Variants in NAV1 observed in about 807,000 individuals in gnomAD.
NAV1 encodes the protein pore membrane and/or filament interacting like protein 3.
A neutral mutation model predicts 175.2 loss-of-function variants in NAV1; 18 were observed. The observed-to-expected ratio is 0.10, with a 90% CI of 0.07 to 0.15. The LOEUF (loss-of-function observed/expected upper bound fraction) is 0.15. NAV1 is among the 10% of genes least tolerant of loss of function. The pLI, the probability that NAV1 is intolerant of heterozygous loss-of-function variation, is 1.00. For synonymous variants in NAV1, 897 were observed against 978.7 expected (o/e 0.92, Z 1.56); for missense variants, 1,731 against 2,436.6 (o/e 0.71, Z 6.10).
chr1:201,581,218 G>A (rs1037844781), intron 1 of NAV1, among the ~76,000 whole-genome samples: 4 of 152,202 alleles, frequency 2.6e-5, no homozygotes, highest in African/African-American at 9.7e-5. Flanking sequence ...GTTACGGTTC[G>A]AGTGAGGGTT....
At chr1:201,719,799 T>A (rs1316868404) in intron 3 of NAV1, among the ~76,000 whole-genome samples, 1 of 152,030 alleles carries the variant, frequency 6.6e-6, no homozygotes, top group East Asian at 2.0e-4. Flanking sequence ...GGACTTAATA[T>A]CTTACTGCCA....
intron 1 of NAV1, among the ~76,000 whole-genome samples, chr1:201,650,828 G>T (rs767612140): frequency 6.6e-6 from 1 of 152,150 alleles, no homozygotes; most frequent in African/African-American, 2.4e-5. Flanking sequence ...AAGAAGAGCA[G>T]CCTTTTCCCC....
chr1:201,786,413 C>T lies in NAV1; in HGVS notation c.2847-16C>T. On this transcript the variant is annotated splice_polypyrimidine_tract_variant and intron_variant, in intron 8 of 29. Coordinates refer to ENST00000367296, the Ensembl canonical transcript of NAV1. ...CTTGCTAGTCCCAGACTGAGTTCTT[C>T]TGCTGCTTCCTACAGGTACCAGCTT... The T allele has an allele frequency of 1.2e-6, 2 of 1,607,580 alleles. No homozygotes were observed. The highest frequency in any genetic ancestry group is 3.4e-5 in the Admixed American group (2 of 59,648).
At chr1:201,773,075 T>C (rs2102680151) in intron 3 of NAV1, among the ~76,000 whole-genome samples, 1 of 151,852 alleles carries the variant, frequency 6.6e-6, no homozygotes, top group South Asian at 2.1e-4. Flanking sequence ...GACTGTTTGC[T>C]CAATTGAAGT....
intron 2 of NAV1, among the ~76,000 whole-genome samples, chr1:201,714,580 A>G (rs1672057805): frequency 6.6e-6 from 1 of 152,186 alleles, no homozygotes; most frequent in Non-Finnish European, 1.5e-5. Context: ...CCTTACTGCC[A>G]TCCCTCATAG....
chr1:201,674,013 G>C (rs1170007999), intron 1 of NAV1: 1 of 152,092 alleles, frequency 6.6e-6, no homozygotes, highest in South Asian at 2.1e-4. Context: ...AGTCCTGTTG[G>C]GGACTGCGCC....
Position 201,788,449 on chromosome 1 carries a change from CT to C in NAV1, c.2996-17del. On this transcript the variant is annotated intron_variant, in intron 9 of 29. Transcript: ENST00000367296. The surrounding 1 kb of genome is among the most constrained non-coding windows in gnomAD (Gnocchi z 5.7). Reference sequence around the variant, plus strand: ...CCCTCCTGCTCCCTCTCCTGTCCCCCTTCCCTCTGTCCTTCCAGTGAGTCCC... The same window carrying C: ...CCCTCCTGCTCCCTCTCCTGTCCCCCTCCCTCTGTCCTTCCAGTGAGTCCC... The C allele has an allele frequency of 6.2e-7, 1 of 1,613,774 alleles. No individual in the cohort carries two copies.
rs768265830 is a variant in NAV1 at position 201,808,814 on chromosome 1, C to T, written c.4150C>T (p.Arg1384Cys). 7 of 1,614,052 alleles carry T rather than the reference C, an allele frequency of 4.3e-6. No homozygotes were observed. The highest frequency in any genetic ancestry group is 1.6e-4 in the Middle Eastern group (1 of 6,062). ...TGGATCATCTGCATTATCTTCCCCACGCCGCTCCCTAGGCCTGGCACTCAC... is the reference window on the plus strand; with the variant it reads ...TGGATCATCTGCATTATCTTCCCCATGCCGCTCCCTAGGCCTGGCACTCAC... Residue 1384 changes from arginine (R) to cysteine (C), a missense_variant, in exon 20 of 30, where the codon CGC becomes TGC. Coordinates refer to ENST00000367296, the Ensembl canonical transcript of NAV1. This position sits in a 1 kb window ranked among gnomAD's most constrained non-coding sequence, Gnocchi z 5.5.
intron 1 of NAV1, among the ~76,000 whole-genome samples, chr1:201,693,947 C>G (rs1455804669): frequency 1.3e-5 from 2 of 152,154 alleles, no homozygotes; most frequent in East Asian, 3.9e-4. Flanking sequence ...GGGGGCAGGA[C>G]CTGTCTGAAG....
chr1:201,582,543 G>A (rs898292374), intron 1 of NAV1, among the ~76,000 whole-genome samples: 4 of 152,184 alleles, frequency 2.6e-5, no homozygotes, highest in Admixed American at 1.3e-4. Flanking sequence ...TCAGGACCCT[G>A]GGACAGTCAG....
At chr1:201,730,974 G>T (rs1672832373) in intron 3 of NAV1, among the ~76,000 whole-genome samples, 1 of 152,138 alleles carries the variant, frequency 6.6e-6, no homozygotes, top group African/African-American at 2.4e-5. Context: ...ACTGAATGGT[G>T]GTCATCTATA....
At chr1:201,587,229 A>G (rs1412907152) in intron 1 of NAV1, among the ~76,000 whole-genome samples, 1 of 151,982 alleles carries the variant, frequency 6.6e-6, no homozygotes, top group East Asian at 1.9e-4. Context: ...AAAAACAAAG[A>G]TGATAAGCTT....
exon 30 of NAV1, chr1:201,821,505 GACACACACACACACACACACACAC>G (rs57007517): frequency 1.4e-5 from 2 of 144,684 alleles, no homozygotes; most frequent in Admixed American, 7.0e-5. Flanking sequence ...GGTTAAAACA[GACACACACACACACACACACACAC>G]ACACACACAC....
chr1:201,698,646 G>A (rs780944857), intron 1 of NAV1, among the ~76,000 whole-genome samples: 1 of 152,224 alleles, frequency 6.6e-6, no homozygotes, highest in South Asian at 2.1e-4. Flanking sequence ...GAGTTCTGGT[G>A]CAGGCAGGAG....
intron 3 of NAV1, among the ~76,000 whole-genome samples, chr1:201,741,062 G>C (rs1673389741): frequency 6.6e-6 from 1 of 152,150 alleles, no homozygotes; most frequent in Non-Finnish European, 1.5e-5. Context: ...ATCTCAGGCA[G>C]CCCAGACCTG....
At chr1:201,799,072 C>T (rs1677660699) in intron 15 of NAV1, among the ~76,000 whole-genome samples, 1 of 151,132 alleles carries the variant, frequency 6.6e-6, no homozygotes, top group African/African-American at 2.4e-5. Flanking sequence ...GTACATCCAT[C>T]TTCAAAAAAA....
At chr1:201,592,345 G>A (rs1254269787) in intron 2 of NAV1, among the ~76,000 whole-genome samples, 1 of 152,176 alleles carries the variant, frequency 6.6e-6, no homozygotes, top group Admixed American at 6.5e-5. Flanking sequence ...GCTGGCAAAG[G>A]GTGGGGTGGG....
rs1170548674 is a variant in NAV1, at chr1:201,648,492, T to C, written c.-177T>C. 3 of 1,226,122 alleles carry C rather than the reference T, an allele frequency of 2.4e-6. No homozygotes were observed. In the African/African-American group the frequency reaches 4.8e-5, roughly 19 times the overall value. 76.0% of individuals were successfully genotyped at this position (1,226,122 alleles called of 1,614,324 possible). ...CGTTTCTTTCCCCTGCGCCCTCGGCTTGCCTCTCTCCCTCCTCCCTCGCTC... is the reference window on the plus strand; with the variant it reads ...CGTTTCTTTCCCCTGCGCCCTCGGCCTGCCTCTCTCCCTCCTCCCTCGCTC... On this transcript the variant is annotated 5_prime_UTR_variant, in exon 1 of 30. Transcript: ENST00000367296.
chr1:201,613,914 T>C (rs1487989496), intron 2 of NAV1, among the ~76,000 whole-genome samples: 2 of 152,048 alleles, frequency 1.3e-5, no homozygotes, highest in Non-Finnish European at 2.9e-5. Flanking sequence ...AAGGTAGATA[T>C]TGTTATCATC....
Sources: allele counts gnomAD v4.1 joint callset (sites outside exome capture counted in the v4.1 genomes callset), GRCh38; gene constraint gnomAD v4.1.1; non-coding constraint Gnocchi (gnomAD v3.1); transcripts MANE v1.5; gene names NCBI Gene and HGNC (gene_info 2026-07-23, HGNC 2026-07-21).